Variants in FHIT observed in about 807,000 individuals in gnomAD.
The protein encoded by FHIT is bis(5'-adenosyl)-triphosphatase.
FHIT carries 19 observed loss-of-function variants against 17.9 expected under a neutral mutation model. The ratio of observed to expected loss-of-function variants is 1.06; its 90% CI spans 0.74 to 1.56. The LOEUF (loss-of-function observed/expected upper bound fraction) is 1.56, where lower values mean the gene tolerates loss of function less well. Among genes scored for constraint, FHIT ranks in the 40% most tolerant of loss-of-function variants. The pLI, the probability that FHIT is intolerant of heterozygous loss-of-function variation, is 0.00. For synonymous variants in FHIT, 81 were observed against 69.7 expected (o/e 1.16, Z -0.81); for missense variants, 248 against 189.2 (o/e 1.31, Z -1.82).
chr3:60,979,260 T>C (rs1484647611), intron 3 of FHIT, among the ~76,000 whole-genome samples: 1 of 152,152 alleles, frequency 6.6e-6, no homozygotes, highest in Non-Finnish European at 1.5e-5. Context: ...AAGGCAAAAG[T>C]GTCCCTTCAT....
intron 4 of FHIT, among the ~76,000 whole-genome samples, chr3:60,800,090 G>GT (rs1354725414): frequency 1.3e-5 from 1 of 74,998 alleles, no homozygotes; most frequent in Non-Finnish European, 4.2e-5. Flanking sequence ...CAATATCAGG[G>GT]TCCCCCAACT....
intron 4 of FHIT, among the ~76,000 whole-genome samples, chr3:60,816,727 C>T (rs1597101): frequency 2.0e-5 from 3 of 151,556 alleles, no homozygotes; most frequent in African/African-American, 7.3e-5. Flanking sequence ...GTCAGGTTTG[C>T]TATCAGGGTG....
intron 7 of FHIT, among the ~76,000 whole-genome samples, chr3:60,003,858 C>CT (rs35165735): frequency 0.13 from 18,195 of 144,966 alleles, 1,190 homozygotes; most frequent in South Asian, 0.22. Flanking sequence ...ATTTATTTTA[C>CT]TTTTTTTTTT....
chr3:60,438,265 G>C (rs2030455917), intron 5 of FHIT, among the ~76,000 whole-genome samples: 1 of 151,984 alleles, frequency 6.6e-6, no homozygotes, highest in Non-Finnish European at 1.5e-5. Context: ...AAAACACACC[G>C]ATGGGTGGAG....
intron 5 of FHIT, among the ~76,000 whole-genome samples, chr3:60,366,589 T>C (rs755460364): frequency 7.9e-5 from 12 of 152,166 alleles, no homozygotes; most frequent in Admixed American, 1.3e-4. Context: ...CCACTTATCA[T>C]GGGAGTATGT....
intron 2 of FHIT, among the ~76,000 whole-genome samples, chr3:61,179,117 C>A (rs1328550852): frequency 2.0e-5 from 3 of 147,614 alleles, no homozygotes. Context: ...TCAAGCAATT[C>A]TCCTGTCTCA....
chr3:60,013,330 A>G (rs1700212040), intron 6 of FHIT, among the ~76,000 whole-genome samples: 1 of 152,210 alleles, frequency 6.6e-6, no homozygotes, highest in Non-Finnish European at 1.5e-5. Flanking sequence ...TTTCAGAGCC[A>G]TGAAGGACTT....
At chr3:60,668,894 GT>G (rs1553693193) in intron 4 of FHIT, among the ~76,000 whole-genome samples, 1 of 152,118 alleles carries the variant, frequency 6.6e-6, no homozygotes, top group Non-Finnish European at 1.5e-5. Context: ...TCATTTGGTT[GT>G]CTCTTGTACC....
intron 2 of FHIT, among the ~76,000 whole-genome samples, chr3:61,070,608 C>T (rs2034771422): frequency 6.6e-6 from 1 of 152,234 alleles, no homozygotes; most frequent in South Asian, 2.1e-4. Flanking sequence ...TACACATAAG[C>T]TTCCTGCCTT....
At chr3:61,084,230 T>C (rs1559968547) in intron 2 of FHIT, among the ~76,000 whole-genome samples, 1 of 152,234 alleles carries the variant, frequency 6.6e-6, no homozygotes, top group Non-Finnish European at 1.5e-5. Context: ...CCTACATGAG[T>C]GGCTCTATTT....
chr3:60,457,254 CA>C (rs1410926579), intron 5 of FHIT, among the ~76,000 whole-genome samples: 1 of 151,932 alleles, frequency 6.6e-6, no homozygotes, highest in Non-Finnish European at 1.5e-5. Flanking sequence ...TGGAACAGAA[CA>C]GAGCCCTCAG....
chr3:61,068,361 G>C (rs1174506044), intron 2 of FHIT, among the ~76,000 whole-genome samples: 4 of 152,142 alleles, frequency 2.6e-5, no homozygotes, highest in African/African-American at 9.7e-5. Context: ...ATTTCTAAAG[G>C]CCTTCCACAT....
At chr3:60,974,225 A>G (rs769530883) in intron 3 of FHIT, among the ~76,000 whole-genome samples, 1 of 152,206 alleles carries the variant, frequency 6.6e-6, no homozygotes, top group Non-Finnish European at 1.5e-5. Flanking sequence ...AAATTTACAT[A>G]AAACCTTTGC....
At chr3:61,116,703 C>G (rs913158717) in intron 2 of FHIT, among the ~76,000 whole-genome samples, 4 of 152,060 alleles carry the variant, frequency 2.6e-5, no homozygotes. Context: ...AAGTATCTTT[C>G]AAAGCACCAT....
At chr3:60,956,746 T>G (rs1242712027) in intron 3 of FHIT, among the ~76,000 whole-genome samples, 1 of 152,082 alleles carries the variant, frequency 6.6e-6, no homozygotes, top group Non-Finnish European at 1.5e-5. Flanking sequence ...AAGAAAAGGG[T>G]CTTACAACAA....
intron 5 of FHIT, among the ~76,000 whole-genome samples, chr3:60,501,400 A>T (rs114001437): frequency 0.013 from 1,966 of 152,266 alleles, 36 homozygotes; most frequent in African/African-American, 0.043. Context: ...AGTTCTATAG[A>T]TATTTTTTCT....
intron 5 of FHIT, among the ~76,000 whole-genome samples, chr3:60,286,706 A>G (rs1180629795): frequency 6.6e-6 from 1 of 152,178 alleles, no homozygotes; most frequent in Non-Finnish European, 1.5e-5. Context: ...GGTGTTTGCT[A>G]TTTAAATTGT....
chr3:60,018,848 C>T (rs927596392), intron 5 of FHIT, among the ~76,000 whole-genome samples: 1 of 152,104 alleles, frequency 6.6e-6, no homozygotes, highest in African/African-American at 2.4e-5. Context: ...GGCATGGTGG[C>T]GGGCATCTGT....
chr3:60,597,656 AC>A (rs1553667095), intron 4 of FHIT, among the ~76,000 whole-genome samples: 1 of 152,104 alleles, frequency 6.6e-6, no homozygotes, highest in African/African-American at 2.4e-5. Context: ...GGGAATTAAG[AC>A]CCTCAAGTGT....
Sources: allele counts gnomAD v4.1 joint callset (sites outside exome capture counted in the v4.1 genomes callset), GRCh38; gene constraint gnomAD v4.1.1; transcripts MANE v1.5; gene names NCBI Gene and HGNC (gene_info 2026-07-23, HGNC 2026-07-21).